Variants in LRRC7 observed in about 807,000 individuals in gnomAD.
LRRC7 encodes the protein leucine rich repeat containing 7, also known as leucine-rich repeat-containing protein 7.
In LRRC7, 23 loss-of-function variants were observed where a neutral mutation model predicts 175.7. The observed-to-expected ratio is 0.13, with a 90% CI of 0.09 to 0.19. LRRC7 has a LOEUF of 0.19. Ranked by LOEUF, LRRC7 falls within the 10% of genes least tolerant of loss-of-function variation. LRRC7 has a pLI of 1.00. For synonymous variants in LRRC7, 685 were observed against 680.9 expected (o/e 1.01, Z -0.09); for missense variants, 1,354 against 1,904.7 (o/e 0.71, Z 5.38).
chr1:69,928,564 C>T (rs1647168409), intron 7 of LRRC7, among the ~76,000 whole-genome samples: 1 of 152,186 alleles, frequency 6.6e-6, no homozygotes, highest in Non-Finnish European at 1.5e-5. Context: ...TCTCAGACTG[C>T]TGTGCTAGCA....
intron 8 of LRRC7, among the ~76,000 whole-genome samples, chr1:69,949,243 A>G (rs1395972711): frequency 6.6e-6 from 1 of 152,064 alleles, no homozygotes; most frequent in Non-Finnish European, 1.5e-5. Context: ...TTCTCTATGC[A>G]TTTACATTTA....
chr1:69,865,518 C>T (rs1238010626), intron 7 of LRRC7, among the ~76,000 whole-genome samples: 5 of 87,238 alleles, frequency 5.7e-5, no homozygotes, highest in Non-Finnish European at 1.2e-4. Flanking sequence ...GCTCAGTGCC[C>T]CAGGCTGGAT....
intron 4 of LRRC7, among the ~76,000 whole-genome samples, chr1:69,798,813 T>A (rs1321008871): frequency 6.6e-6 from 1 of 152,122 alleles, no homozygotes; most frequent in Non-Finnish European, 1.5e-5. Context: ...TTGCCTTTGG[T>A]GTTAGTTATA....
At chr1:69,569,053 CGT>C (rs1645622910) in intron 1 of LRRC7, among the ~76,000 whole-genome samples, 1 of 130,290 alleles carries the variant, frequency 7.7e-6, no homozygotes, top group Middle Eastern at 3.4e-3. Context: ...GGATGAAGCG[CGT>C]GTTTGATCGT....
At chr1:69,960,826 ATACCTCAAAATAAT>A in intron 8 of LRRC7, among the ~76,000 whole-genome samples, 2 of 152,148 alleles carry the variant, frequency 1.3e-5, no homozygotes, top group African/African-American at 4.8e-5. Context: ...TTCAAGGAAC[ATACCTCAAAATAAT>A]AAGAGCCATA....
intron 4 of LRRC7, among the ~76,000 whole-genome samples, chr1:69,819,571 C>CTGTG (rs1486357927): frequency 3.8e-5 from 5 of 130,622 alleles, no homozygotes; most frequent in African/African-American, 1.8e-4. Flanking sequence ...CTCTCTCTCT[C>CTGTG]TCTCTCTGTG....
intron 9 of LRRC7, among the ~76,000 whole-genome samples, chr1:69,984,958 A>G (rs1304457000): frequency 6.6e-6 from 1 of 151,598 alleles, no homozygotes; most frequent in Non-Finnish European, 1.5e-5. Context: ...TGAATTTCCC[A>G]CTCTTCCTCA....
chr1:69,570,866 T>G lies in LRRC7; in HGVS notation c.2+2225T>G, dbSNP rs114968681. On this transcript the variant is annotated intron_variant, in intron 1 of 26. Transcript: ENST00000651989. ...AGTGATTGAGTTTGGACTTCTGAGG[T>G]GTCTCAGGCCTGTGGAAAATGTCCT... Among the ~76,000 whole-genome samples the G allele has an allele frequency of 4.8e-3, 738 of 152,276 alleles. 5 individuals carry two copies. The highest frequency in any genetic ancestry group is 0.017 in the African/African-American group (707 of 41,544).
chr1:70,096,109 C>T (rs545642773), intron 25 of LRRC7, among the ~76,000 whole-genome samples: 12 of 152,184 alleles, frequency 7.9e-5, no homozygotes, highest in Non-Finnish European at 1.6e-4. Context: ...TCCCGAGTAG[C>T]TGGGACTACA....
intron 23 of LRRC7, among the ~76,000 whole-genome samples, chr1:70,054,823 C>A (rs1029585734): frequency 1.3e-5 from 1 of 79,666 alleles, no homozygotes; most frequent in Non-Finnish European, 2.7e-5. Context: ...ATCTCCTGAC[C>A]TCCTGATCCA....
At chr1:69,842,344 C>A (rs1463689088) in intron 7 of LRRC7, among the ~76,000 whole-genome samples, 1 of 151,958 alleles carries the variant, frequency 6.6e-6, no homozygotes, top group Admixed American at 6.6e-5. Context: ...AGGCCTCATT[C>A]ATTAATAATT....
At chr1:70,079,590 T>A (rs1663063167) in intron 24 of LRRC7, among the ~76,000 whole-genome samples, 1 of 152,210 alleles carries the variant, frequency 6.6e-6, no homozygotes, top group Admixed American at 6.5e-5. Context: ...AGTGAATACA[T>A]ATTTTTTCAT....
Position 69,568,514 on chromosome 1 carries a change from C to T in LRRC7, c.-126C>T, listed in dbSNP as rs1179174730. Reference sequence around the variant, plus strand: ...GTTCTTCCTACCTTCTACTCCTTCCCTCCTCTTCTCCTCCGAAGACCCTGG... The same window carrying T: ...GTTCTTCCTACCTTCTACTCCTTCCTTCCTCTTCTCCTCCGAAGACCCTGG... On this transcript the variant is annotated 5_prime_UTR_variant, in exon 1 of 27. Transcript: ENST00000651989. 1.2e-6 allele frequency: 1 copy of T among 844,510 alleles called. No individual in the cohort carries two copies. Among genetic ancestry groups the T allele is most frequent in the East Asian group, 9.2e-5 (1 of 10,824 alleles). The allele number at this position is 844,510 out of a possible 1,614,324, so 52.3% of individuals were successfully genotyped here. A position where few individuals can be genotyped will look rare whatever the true frequency, so the allele number is the denominator to read the frequency against.
intron 8 of LRRC7, among the ~76,000 whole-genome samples, chr1:69,936,668 G>C (rs1289529139): frequency 6.6e-6 from 1 of 152,088 alleles, no homozygotes; most frequent in African/African-American, 2.4e-5. Context: ...TCATCACCCA[G>C]GTAGTGAGCG....
chr1:69,913,061 C>A (rs1373733902), intron 7 of LRRC7, among the ~76,000 whole-genome samples: 1 of 151,892 alleles, frequency 6.6e-6, no homozygotes, highest in Non-Finnish European at 1.5e-5. Flanking sequence ...TGTTGAATAT[C>A]TAAAAGGAAA....
intron 1 of LRRC7, among the ~76,000 whole-genome samples, chr1:69,670,765 G>A (rs1349128683): frequency 1.3e-5 from 2 of 152,062 alleles, no homozygotes; most frequent in Non-Finnish European, 2.9e-5. Flanking sequence ...TCCATTGGGA[G>A]AAGAGTCTTA....
chr1:69,715,839 G>A (rs975153002), intron 2 of LRRC7, among the ~76,000 whole-genome samples: 3 of 151,866 alleles, frequency 2.0e-5, no homozygotes, highest in African/African-American at 7.2e-5. Flanking sequence ...AAATAAAATA[G>A]GCAAGAAGGA....
chr1:69,637,080 T>TCTCTCTC (rs1553130024), intron 1 of LRRC7, among the ~76,000 whole-genome samples: 155 of 148,658 alleles, frequency 1.0e-3, no homozygotes, highest in Middle Eastern at 6.8e-3. Context: ...CCTTCTCTCT[T>TCTCTCTC]TCTCTCTCTC....
chr1:69,744,164 G>A (rs79676227), intron 2 of LRRC7, among the ~76,000 whole-genome samples: 4,277 of 151,792 alleles, frequency 0.028, 205 homozygotes, highest in African/African-American at 0.099. Context: ...AACCTAAGAA[G>A]GTTAAGTGAC....
Sources: allele counts gnomAD v4.1 joint callset (sites outside exome capture counted in the v4.1 genomes callset), GRCh38; gene constraint gnomAD v4.1.1; transcripts MANE v1.5; gene names NCBI Gene and HGNC (gene_info 2026-07-23, HGNC 2026-07-21).